TBL1XR1: variants seen among roughly 807,000 people sequenced by gnomAD.
The protein encoded by TBL1XR1 is F-box-like/WD repeat-containing protein TBL1XR1.
TBL1XR1 carries 5 observed loss-of-function variants against 66.9 expected under a neutral mutation model. The ratio of observed to expected loss-of-function variants is 0.07; its 90% CI spans 0.04 to 0.16. The LOEUF is 0.16. Among genes scored for constraint, TBL1XR1 ranks in the 10% least tolerant of loss-of-function variants. The probability of loss-of-function intolerance (pLI) is 1.00; values close to 1 mark genes in which losing one functional copy is unlikely to be tolerated. For synonymous variants in TBL1XR1, 210 were observed against 206.0 expected, an observed-to-expected ratio of 1.02 and a Z score of -0.17; for missense variants, 238 against 623.2, an observed-to-expected ratio of 0.38 and a Z score of 6.58.
intron 1 of TBL1XR1, among the ~76,000 whole-genome samples, chr3:177,145,831 G>A (rs1376798045): frequency 6.6e-6 from 1 of 152,202 alleles, no homozygotes; most frequent in African/African-American, 2.4e-5. Flanking sequence ...TAGTTGCAAA[G>A]GGCAGTCTTA....
intron 5 of TBL1XR1, 92 bp downstream of exon 5, chr3:177,051,412 A>G (rs1409707981): frequency 5.1e-6 from 6 of 1,185,692 alleles, no homozygotes; most frequent in South Asian, 1.6e-5. Context: ...GTTCATCTAT[A>G]TAACAAACCT....
At chr3:177,170,660 G>A (rs1248448810) in intron 1 of TBL1XR1, among the ~76,000 whole-genome samples, 1 of 152,106 alleles carries the variant, frequency 6.6e-6, no homozygotes, top group East Asian at 1.9e-4. Context: ...TTTTGGGACA[G>A]GGTCTCACTG....
chr3:177,066,703 G>C (rs946701055), intron 2 of TBL1XR1, among the ~76,000 whole-genome samples: 4 of 152,122 alleles, frequency 2.6e-5, no homozygotes, highest in African/African-American at 9.7e-5. Context: ...CTGTCACAGA[G>C]GAACACTGGG....
chr3:177,054,486 A>G (rs1717555303), intron 3 of TBL1XR1, among the ~76,000 whole-genome samples: 2 of 152,160 alleles, frequency 1.3e-5, no homozygotes, highest in Non-Finnish European at 1.5e-5. Context: ...TACTTCATGT[A>G]ATTGTTATCT....
chr3:177,196,229 T>C (rs1030821578), intron 1 of TBL1XR1: 6 of 152,154 alleles, frequency 3.9e-5, no homozygotes, highest in Non-Finnish European at 7.3e-5. Context: ...AGTCTGCTTC[T>C]GTTCAAAAAA....
chr3:177,146,355 C>T (rs1448067135), intron 1 of TBL1XR1, among the ~76,000 whole-genome samples: 17 of 151,658 alleles, frequency 1.1e-4, no homozygotes, highest in African/African-American at 2.4e-4. Context: ...GGCGTGATCT[C>T]GGCTCACTGC....
At chr3:177,178,770 G>A (rs933529342) in intron 1 of TBL1XR1, among the ~76,000 whole-genome samples, 2 of 152,112 alleles carry the variant, frequency 1.3e-5, no homozygotes, top group Admixed American at 6.5e-5. Context: ...ATCAAACTGG[G>A]TAGGGTATAA....
chr3:177,083,765 GT>G (rs201718776), intron 2 of TBL1XR1, among the ~76,000 whole-genome samples: 1 of 150,186 alleles, frequency 6.7e-6, no homozygotes, highest in Non-Finnish European at 1.5e-5. Flanking sequence ...TCAAGTAATG[GT>G]TTTTTTTTGT....
intron 14 of TBL1XR1, among the ~76,000 whole-genome samples, chr3:177,030,040 C>T (rs1037557820): frequency 6.6e-6 from 1 of 151,748 alleles, no homozygotes; most frequent in African/African-American, 2.4e-5. Flanking sequence ...GGCACAAGCA[C>T]GTAAATATAC....
intron 3 of TBL1XR1, among the ~76,000 whole-genome samples, chr3:177,061,648 T>C (rs552120833): frequency 3.9e-5 from 6 of 152,316 alleles, no homozygotes; most frequent in African/African-American, 9.6e-5. Flanking sequence ...CAGTGCTCTA[T>C]TGCAGGGAAA....
At chr3:177,140,225 C>T (rs543762265) in intron 1 of TBL1XR1, among the ~76,000 whole-genome samples, 10 of 152,176 alleles carry the variant, frequency 6.6e-5, no homozygotes, top group African/African-American at 1.9e-4. Context: ...CGCTTGAACC[C>T]GGAGGCGGAA....
chr3:177,081,619 T>C (rs955747497), intron 2 of TBL1XR1, among the ~76,000 whole-genome samples: 3 of 151,836 alleles, frequency 2.0e-5, no homozygotes, highest in South Asian at 4.1e-4. Flanking sequence ...ATGCCTGTAG[T>C]CCTAACTACT....
chr3:177,142,249 A>G (rs1221325835), intron 1 of TBL1XR1, among the ~76,000 whole-genome samples: 1 of 152,192 alleles, frequency 6.6e-6, no homozygotes, highest in Non-Finnish European at 1.5e-5. Context: ...CAGCAGAAGT[A>G]CTGCTCCTTG....
chr3:177,061,573 G>C (rs1297106018), intron 3 of TBL1XR1, among the ~76,000 whole-genome samples: 1 of 152,150 alleles, frequency 6.6e-6, no homozygotes, highest in African/African-American at 2.4e-5. Flanking sequence ...CCAGTCCTTT[G>C]AATGTCCCTG....
chr3:177,136,541 A>C (rs1729020929), intron 1 of TBL1XR1, among the ~76,000 whole-genome samples: 1 of 152,156 alleles, frequency 6.6e-6, no homozygotes, highest in Non-Finnish European at 1.5e-5. Flanking sequence ...AGGCCTCCCA[A>C]AGTGCTGGGA....
chr3:177,046,228 G>A, intron 9 of TBL1XR1, 39 bp from the exon 10 acceptor site: 2 of 1,451,776 alleles, frequency 1.4e-6, no homozygotes, highest in Non-Finnish European at 9.3e-7. Context: ...CTCATGGAAA[G>A]AAGTTTAACA....
intron 1 of TBL1XR1, among the ~76,000 whole-genome samples, chr3:177,148,748 G>A (rs950906173): frequency 4.0e-5 from 6 of 151,820 alleles, no homozygotes; most frequent in South Asian, 4.1e-4. Flanking sequence ...GATGGCTCAC[G>A]CCTGTAATCC....
intron 2 of TBL1XR1, among the ~76,000 whole-genome samples, chr3:177,095,367 C>CAA (rs1167183032): frequency 6.6e-6 from 1 of 151,724 alleles, no homozygotes; most frequent in Non-Finnish European, 1.5e-5. Flanking sequence ...AATAAAAAGT[C>CAA]AAAATAATAA....
chr3:177,051,990 A>G (rs578115195), intron 4 of TBL1XR1, among the ~76,000 whole-genome samples: 17 of 152,344 alleles, frequency 1.1e-4, no homozygotes, highest in Middle Eastern at 3.4e-3. Context: ...TGAAAGAGAT[A>G]ATAAGATGTA....
Sources: gnomAD v4.1 joint callset for allele counts (sites outside exome capture counted in the v4.1 genomes callset) on GRCh38, gnomAD v4.1.1 for gene constraint, MANE v1.5 for transcripts, NCBI Gene and HGNC (gene_info 2026-07-23, HGNC 2026-07-21) for gene names.